Variants in SERP2 observed in about 807,000 individuals in gnomAD.
SERP2 encodes the protein stress associated endoplasmic reticulum protein family member 2, also known as stress-associated endoplasmic reticulum protein 2.
Under a neutral mutation model 9.1 loss-of-function variants are expected in SERP2, and 6 were observed. The ratio of observed to expected loss-of-function variants is 0.66; its 90% CI spans 0.36 to 1.30. SERP2 has a LOEUF of 1.30. Ranked by LOEUF, SERP2 falls within the 50% of genes most tolerant of loss-of-function variation. SERP2 has a pLI of 0.03. For synonymous variants in SERP2, 37 were observed against 27.3 expected, an observed-to-expected ratio of 1.35 and a Z score of -1.10; for missense variants, 58 against 81.9, an observed-to-expected ratio of 0.71 and a Z score of 1.13.
chr13:44,392,344 C>T (rs1203953632), intron 2 of SERP2, among the ~76,000 whole-genome samples: 2 of 151,842 alleles, frequency 1.3e-5, no homozygotes, highest in African/African-American at 2.4e-5. Flanking sequence ...TCATGAAGGC[C>T]TCATCAGGGA....
chr13:44,378,852 A>G (rs566875155), intron 1 of SERP2, among the ~76,000 whole-genome samples: 1 of 152,256 alleles, frequency 6.6e-6, no homozygotes, highest in East Asian at 1.9e-4. Context: ...AAAAAGCAGG[A>G]GGTCTGTAGG....
chr13:44,374,447 G>T (rs941259223), intron 1 of SERP2, among the ~76,000 whole-genome samples: 1 of 152,210 alleles, frequency 6.6e-6, no homozygotes, highest in Non-Finnish European at 1.5e-5. Flanking sequence ...GGAGAAAGAC[G>T]GAAAGCCTCA....
chr13:44,388,388 A>G (rs754709807), intron 2 of SERP2, among the ~76,000 whole-genome samples: 1 of 152,138 alleles, frequency 6.6e-6, no homozygotes, highest in Non-Finnish European at 1.5e-5. Context: ...GTCTGTGTGT[A>G]TGTACAGTAT....
chr13:44,388,422 A>G (rs1237057316), intron 2 of SERP2, among the ~76,000 whole-genome samples: 2 of 152,224 alleles, frequency 1.3e-5, no homozygotes, highest in South Asian at 2.1e-4. Flanking sequence ...GCTGGATATT[A>G]TGACTTTCTC....
At position 44,373,837 on chromosome 13, in the gene SERP2, C is replaced by A. The variant is rs1871449895; in HGVS notation, c.-189C>A. The A allele has an allele frequency of 1.9e-6, 1 of 534,544 alleles. No individual in the cohort carries two copies. The highest frequency in any genetic ancestry group is 2.0e-5 in the African/African-American group (1 of 48,968). The allele number at this position is 534,544 out of a possible 1,614,324, so 33.1% of individuals were successfully genotyped here. A position where few individuals can be genotyped will look rare whatever the true frequency, so the allele number is the denominator to read the frequency against. On this transcript the variant is annotated 5_prime_UTR_variant, in exon 1 of 3. It adds an upstream start codon to the 5' untranslated region. Coordinates refer to ENST00000379179, the MANE Select transcript of SERP2 (RefSeq NM_001010897.3). The surrounding 1 kb of genome is among the most constrained non-coding windows in gnomAD (Gnocchi z 4.8). ...AGATGAGAGATTACTTCCGTCCGGGCTGCGGCCTCTCTCTGGAGTCGGCTA... is the reference window on the plus strand; with the variant it reads ...AGATGAGAGATTACTTCCGTCCGGGATGCGGCCTCTCTCTGGAGTCGGCTA...
intron 1 of SERP2, among the ~76,000 whole-genome samples, chr13:44,376,350 C>T (rs753156494): frequency 9.9e-5 from 15 of 152,216 alleles, no homozygotes; most frequent in Non-Finnish European, 2.1e-4. Flanking sequence ...AGTATAGATT[C>T]CAACTGAAAA....
At chr13:44,385,506 G>A (rs1389418712) in intron 2 of SERP2, among the ~76,000 whole-genome samples, 1 of 152,222 alleles carries the variant, frequency 6.6e-6, no homozygotes, top group East Asian at 1.9e-4. Flanking sequence ...TTGTCCTGGT[G>A]AGAGGGAGTT....
At position 44,374,063 on chromosome 13, in the gene SERP2, A is replaced by G; in HGVS notation, c.38A>G (p.Lys13Arg). ...AKQRIRMANE[K>R]HSKNITQRGN... ...CAGCGGATCCGGATGGCTAACGAGA[A>G]GCACAGCAAAAACATCACCCAGAGG... Residue 13 changes from lysine to arginine, a missense_variant, in exon 1 of 3, where the codon AAG (lysine) becomes AGG (arginine). Coordinates refer to ENST00000379179, the MANE Select transcript of SERP2 (RefSeq NM_001010897.3). 1.9e-6 allele frequency: 3 copies of G among 1,586,050 alleles called. No individual in the cohort carries two copies. Among genetic ancestry groups the G allele is most frequent in the Non-Finnish European group, 2.6e-6 (3 of 1,166,488 alleles).
At chr13:44,381,238 C>CAAAAA (rs58535681) in intron 2 of SERP2, among the ~76,000 whole-genome samples, 1 of 46,000 alleles carries the variant, frequency 2.2e-5, no homozygotes, top group African/African-American at 7.0e-5. Flanking sequence ...AACTCCGTCT[C>CAAAAA]AAAAAAAAAA....
chr13:44,378,046 G>A (rs550868786), intron 1 of SERP2, among the ~76,000 whole-genome samples: 3 of 152,310 alleles, frequency 2.0e-5, no homozygotes, highest in East Asian at 1.9e-4. Context: ...TACAAGTGAC[G>A]AGTGGACCCA....
At chr13:44,397,189 C>T in intron 2 of SERP2, 83 bp from the exon 3 acceptor site, 1 of 1,097,160 alleles carries the variant, frequency 9.1e-7, no homozygotes, top group Non-Finnish European at 1.4e-6. Flanking sequence ...GCCCAGGGGT[C>T]TGCAGAAGCC....
intron 2 of SERP2, among the ~76,000 whole-genome samples, chr13:44,382,561 C>A (rs888613417): frequency 6.6e-6 from 1 of 151,950 alleles, no homozygotes; most frequent in Non-Finnish European, 1.5e-5. Flanking sequence ...GGCTGTATGA[C>A]CAGTCTGTAG....
chr13:44,380,356 C>A (rs971431526), intron 2 of SERP2, among the ~76,000 whole-genome samples: 7 of 152,138 alleles, frequency 4.6e-5, no homozygotes, highest in African/African-American at 7.2e-5. Context: ...GAGGTCACTT[C>A]TTCTAACTAC....
chr13:44,383,556 T>TG (rs1872138672), intron 2 of SERP2, among the ~76,000 whole-genome samples: 1 of 145,076 alleles, frequency 6.9e-6, no homozygotes. Flanking sequence ...TTTTTTTGTT[T>TG]TTTTTTTTTT....
chr13:44,395,339 T>G (rs758902533), intron 2 of SERP2, among the ~76,000 whole-genome samples: 1 of 151,110 alleles, frequency 6.6e-6, no homozygotes, highest in African/African-American at 2.4e-5. Context: ...GCACGGTGGC[T>G]CACGCCTATA....
intron 2 of SERP2, among the ~76,000 whole-genome samples, chr13:44,396,741 C>T (rs1873126106): frequency 1.3e-5 from 2 of 152,134 alleles, no homozygotes; most frequent in Admixed American, 6.5e-5. Context: ...AAGAGACAGC[C>T]GCCTTTCAGA....
chr13:44,397,199 C>A, intron 2 of SERP2, 73 bp from the exon 3 acceptor site: 1 of 1,268,068 alleles, frequency 7.9e-7, no homozygotes, highest in Non-Finnish European at 1.2e-6. Context: ...CTGCAGAAGC[C>A]GGGCTCACTG....
chr13:44,397,153 A>C, intron 2 of SERP2, 119 bp from the exon 3 acceptor site: 1 of 775,148 alleles, frequency 1.3e-6, no homozygotes, highest in East Asian at 2.5e-5. Flanking sequence ...GGAAATATCT[A>C]ATCAGCTGTG....
At chr13:44,390,312 CTGGACACTTG>C in intron 2 of SERP2, 1 of 347,752 alleles carries the variant, frequency 2.9e-6, no homozygotes, top group South Asian at 2.1e-5. Flanking sequence ...CCCACCCGCC[CTGGACACTTG>C]CTCCAGGACA....
Sources: gnomAD v4.1 joint callset for allele counts (sites outside exome capture counted in the v4.1 genomes callset) on GRCh38, gnomAD v4.1.1 for gene constraint, Gnocchi (gnomAD v3.1) non-coding constraint, MANE v1.5 for transcripts, NCBI Gene and HGNC (gene_info 2026-07-23, HGNC 2026-07-21) for gene names.